The following KRTAP8-1 variants were observed in gnomAD, a reference collection of about 807,000 sequenced individuals.
The protein encoded by KRTAP8-1 is keratin-associated protein 8-1.
Under a neutral mutation model 5.5 loss-of-function variants are expected in KRTAP8-1, and 4 were observed. The observed-to-expected ratio is 0.73, with a 90% CI of 0.36 to 1.67. The LOEUF is 1.67. Ranked by LOEUF, KRTAP8-1 falls within the 40% of genes most tolerant of loss-of-function variation. KRTAP8-1 has a pLI of 0.05. For missense variants in KRTAP8-1, 79 were observed against 80.3 expected (o/e 0.98, Z 0.06); for synonymous variants, 35 against 34.6 (o/e 1.01, Z -0.04).
At position 30,812,836 on chromosome 21, in the gene KRTAP8-1, G is replaced by A. The variant is rs1984879069; in HGVS notation, c.*193C>T. On this transcript the variant is annotated 3_prime_UTR_variant, in exon 1 of 1. Coordinates refer to ENST00000329621, the MANE Select transcript of KRTAP8-1 (RefSeq NM_175857.4). ...TCCGAAAATGTCCCAGAGAACATCAGCCAGGGGAGGCAGCTTGAGGAAGCG... is the reference window on the plus strand; with the variant it reads ...TCCGAAAATGTCCCAGAGAACATCAACCAGGGGAGGCAGCTTGAGGAAGCG... The A allele has an allele frequency of 3.9e-6, 2 of 512,880 alleles. No homozygotes were observed. The highest frequency in any genetic ancestry group is 6.7e-6 in the Non-Finnish European group (2 of 299,502). 31.8% of individuals were successfully genotyped at this position (512,880 alleles called of 1,614,324 possible). A position where few individuals can be genotyped will look rare whatever the true frequency, so the allele number is the denominator to read the frequency against.
Position 30,813,121 on chromosome 21 carries a change from T to C in KRTAP8-1, c.100A>G (p.Thr34Ala). ...GYSVGCGYGSTYSPVGYGFGY... is the reference protein window; with the variant it reads ...GYSVGCGYGSAYSPVGYGFGY... The stretch of plus-strand genomic sequence containing the variant: ...AAGCCATAGCCCACTGGAGAGTAGG[T>C]GCTGCCATAGCCACAGCCAACGCTA... The change falls in exon 1 of 1, where the codon ACC (threonine) becomes GCC (alanine). Residue 34 changes from threonine (T) to alanine (A), a missense_variant. By Grantham distance (58) the Thr-to-Ala change is moderately conservative. Coordinates refer to ENST00000329621, the MANE Select transcript of KRTAP8-1 (RefSeq NM_175857.4). 6.2e-7 allele frequency: 1 copy of C among 1,613,882 alleles called. No homozygotes were observed. Among genetic ancestry groups the C allele is most frequent in the Non-Finnish European group, 8.5e-7 (1 of 1,179,790 alleles).
rs199737998 is a variant in KRTAP8-1 at position 30,813,040 on chromosome 21, C to T, written c.181G>A (p.Ala61Thr). ...GGGATTTCAGCCAATCAGTAGAGAG[C>T]AAATGGCGAGTATCTCCTGTAGCCG... Reference protein sequence around the residue: ...AFGYRRYSPFALY With the variant: ...AFGYRRYSPFTLY Residue 61 changes from alanine to threonine, a missense_variant, in exon 1 of 1, where the codon GCT becomes ACT. Physicochemically the swap from Ala to Thr is moderately conservative, Grantham distance 58. Coordinates refer to ENST00000329621, the MANE Select transcript of KRTAP8-1 (RefSeq NM_175857.4). The T allele has an allele frequency of 4.8e-5, 77 of 1,613,828 alleles. No homozygotes were observed. The Admixed American group carries it at 7.2e-4, about 15-fold the overall frequency.
chr21:30,813,064 C>CG lies in KRTAP8-1; in HGVS notation c.156dup (p.Gly53ArgfsTer15). 1.7e-5 allele frequency: 28 copies of CG among 1,613,982 alleles called. No individual in the cohort carries two copies. The highest frequency in any genetic ancestry group is 2.4e-5 in the Non-Finnish European group (28 of 1,179,932). On this transcript the variant is annotated frameshift_variant, in exon 1 of 1. Transcript: ENST00000329621. LOFTEE classifies it high-confidence loss of function. ...GCAAATGGCGAGTATCTCCTGTAGC[C>CG]GAAAGCCCCACAGCCGTTGTAGCCA...
rs534571126 is a variant in KRTAP8-1 at position 30,812,842 on chromosome 21, G to C, written c.*187C>G. On this transcript the variant is annotated 3_prime_UTR_variant, in exon 1 of 1. Transcript: ENST00000329621. ...AATGTCCCAGAGAACATCAGCCAGG[G>C]GAGGCAGCTTGAGGAAGCGTCTGCT... is the stretch of plus-strand genomic sequence containing the variant. 99 of 522,336 alleles carry C rather than the reference G, an allele frequency of 1.9e-4. No individual in the cohort carries two copies. The highest frequency in any genetic ancestry group is 2.8e-4 in the Non-Finnish European group (86 of 307,524). The allele number at this position is 522,336 out of a possible 1,614,324, so 32.4% of individuals were successfully genotyped here.
At position 30,813,071 on chromosome 21, in the gene KRTAP8-1, C is replaced by T. The variant is rs770809907; in HGVS notation, c.150G>A (p.Gly50=). Residue 50 remains glycine (G), a synonymous_variant, in exon 1 of 1, where the codon GGG becomes GGA. Coordinates refer to ENST00000329621, the MANE Select transcript of KRTAP8-1 (RefSeq NM_175857.4). ...YGFGYGYNGC[G]AFGYRRYSPF... is the part of the protein sequence containing the mutation. The stretch of plus-strand genomic sequence containing the variant: ...GCGAGTATCTCCTGTAGCCGAAAGC[C>T]CCACAGCCGTTGTAGCCATAGCCGA... The T allele has an allele frequency of 1.9e-6, 3 of 1,613,926 alleles. No individual in the cohort carries two copies. In the East Asian group the frequency reaches 6.7e-5, roughly 36 times the overall value.
At position 30,813,249 on chromosome 21, in the gene KRTAP8-1, A is replaced by C; in HGVS notation, c.-29T>G. On this transcript the variant is annotated 5_prime_UTR_variant, in exon 1 of 1. Coordinates refer to ENST00000329621, the MANE Select transcript of KRTAP8-1 (RefSeq NM_175857.4). ...GTCGGGAGTGGAGGGCTTAGGTAGCAACAGAGTGCGTTTCCTCAGTGGGAT... is the reference window on the plus strand; with the variant it reads ...GTCGGGAGTGGAGGGCTTAGGTAGCCACAGAGTGCGTTTCCTCAGTGGGAT... The C allele has an allele frequency of 6.2e-7, 1 of 1,608,038 alleles. No homozygotes were observed. The highest frequency in any genetic ancestry group is 8.5e-7 in the Non-Finnish European group (1 of 1,176,476).
rs750812281 is a variant in KRTAP8-1 at position 30,813,033 on chromosome 21, T to C, written c.188A>G (p.Tyr63Cys). The change falls in exon 1 of 1, where the codon TAC (tyrosine) becomes TGC (cysteine). Residue 63 changes from tyrosine (Y) to cysteine (C), a missense_variant. Tyr to Cys is a radical substitution (Grantham distance 194). Transcript: ENST00000329621. ...GYRRYSPFAL[Y>C] ...CACCTCGGGGATTTCAGCCAATCAG[T>C]AGAGAGCAAATGGCGAGTATCTCCT... The C allele has an allele frequency of 6.2e-6, 10 of 1,613,596 alleles. No homozygotes were observed. The East Asian group carries it at 6.7e-5, about 11-fold the overall frequency.
chr21:30,812,943 G>A lies in KRTAP8-1; in HGVS notation c.*86C>T, dbSNP rs1984881571. On this transcript the variant is annotated 3_prime_UTR_variant, in exon 1 of 1. Transcript: ENST00000329621. ...TGAGGTTGATGAGCAAATGAGGACT[G>A]AAGGAGTGGATACGGGGGGAACCTG... 1.5e-6 allele frequency: 2 copies of A among 1,317,366 alleles called. No homozygotes were observed. The highest frequency in any genetic ancestry group is 2.1e-6 in the Non-Finnish European group (2 of 946,478). The allele number at this position is 1,317,366 out of a possible 1,614,324, so 81.6% of individuals were successfully genotyped here. A position where few individuals can be genotyped will look rare whatever the true frequency, so the allele number is the denominator to read the frequency against.
rs373302251 is a variant in KRTAP8-1, at chr21:30,813,170, G to A, written c.51C>T (p.Gly17=). Residue 17 remains glycine, a synonymous_variant, in exon 1 of 1, where the codon GGC becomes GGT. Coordinates refer to ENST00000329621, the MANE Select transcript of KRTAP8-1 (RefSeq NM_175857.4). ...PGAVFPGCYW[G]SYGYPLGYSV... ...TATATCCCAGCGGGTAGCCATAGCT[G>A]CCCCAGTAGCATCCTGGGAAGACAG... 47 of 1,613,854 alleles carry A rather than the reference G, an allele frequency of 2.9e-5. No individual in the cohort carries two copies. The African/African-American group carries it at 4.9e-4, about 17-fold the overall frequency.
Position 30,813,088 on chromosome 21 carries a change from C to T in KRTAP8-1, c.133G>A (p.Gly45Ser). 1 of 1,614,080 alleles carries T rather than the reference C, an allele frequency of 6.2e-7. No individual in the cohort carries two copies. Residue 45 changes from glycine (G) to serine (S), a missense_variant, in exon 1 of 1, where the codon GGC (glycine) becomes AGC (serine). Coordinates refer to ENST00000329621, the MANE Select transcript of KRTAP8-1 (RefSeq NM_175857.4). ...YSPVGYGFGY[G>S]YNGCGAFGYR... The stretch of plus-strand genomic sequence containing the variant: ...CCGAAAGCCCCACAGCCGTTGTAGC[C>T]ATAGCCGAAGCCATAGCCCACTGGA...
Position 30,812,895 on chromosome 21 carries a change from G to C in KRTAP8-1, c.*134C>G. On this transcript the variant is annotated 3_prime_UTR_variant, in exon 1 of 1. Coordinates refer to ENST00000329621, the MANE Select transcript of KRTAP8-1 (RefSeq NM_175857.4). ...TTCATTTTCCTCCCCTGGGACTCGAGGTAAGTTGGAAAGCAGTGTCTCTGA... is the reference window on the plus strand; with the variant it reads ...TTCATTTTCCTCCCCTGGGACTCGACGTAAGTTGGAAAGCAGTGTCTCTGA... 1 of 760,542 alleles carries C rather than the reference G, an allele frequency of 1.3e-6. No individual in the cohort carries two copies. The highest frequency in any genetic ancestry group is 2.0e-6 in the Non-Finnish European group (1 of 502,098). 47.1% of individuals were successfully genotyped at this position (760,542 alleles called of 1,614,324 possible).
In KRTAP8-1 at chr21:30,813,247, G is replaced by T; in HGVS notation, c.-27C>A. The T allele has an allele frequency of 6.2e-7, 1 of 1,607,668 alleles. No individual in the cohort carries two copies. The highest frequency in any genetic ancestry group is 8.5e-7 in the Non-Finnish European group (1 of 1,176,248). Reference sequence around the variant, plus strand: ...GTGTCGGGAGTGGAGGGCTTAGGTAGCAACAGAGTGCGTTTCCTCAGTGGG... The same window carrying T: ...GTGTCGGGAGTGGAGGGCTTAGGTATCAACAGAGTGCGTTTCCTCAGTGGG... On this transcript the variant is annotated 5_prime_UTR_variant, in exon 1 of 1. Transcript: ENST00000329621.
chr21:30,813,227 G>A lies in KRTAP8-1; in HGVS notation c.-7C>T, dbSNP rs767985713. The A allele has an allele frequency of 4.3e-6, 7 of 1,613,038 alleles. No individual in the cohort carries two copies. Among genetic ancestry groups the A allele is most frequent in the South Asian group, 2.2e-5 (2 of 90,972 alleles). On this transcript the variant is annotated 5_prime_UTR_variant, in exon 1 of 1. Transcript: ENST00000329621. ...GGAAGTTGTCGCAGAGCATGGTGTC[G>A]GGAGTGGAGGGCTTAGGTAGCAACA...
chr21:30,812,956 C>A lies in KRTAP8-1; in HGVS notation c.*73G>T. 1 of 1,458,878 alleles carries A rather than the reference C, an allele frequency of 6.9e-7. No individual in the cohort carries two copies. Among genetic ancestry groups the A allele is most frequent in the Non-Finnish European group, 9.4e-7 (1 of 1,066,170 alleles). 90.4% of individuals were successfully genotyped at this position (1,458,878 alleles called of 1,614,324 possible). ...CAAATGAGGACTGAAGGAGTGGATA[C>A]GGGGGGAACCTGGAGATGTGGGGCT... On this transcript the variant is annotated 3_prime_UTR_variant, in exon 1 of 1. Transcript: ENST00000329621.
In KRTAP8-1 at chr21:30,813,027, A is replaced by T. The variant is rs148450195; in HGVS notation, c.*2T>A. On this transcript the variant is annotated 3_prime_UTR_variant, in exon 1 of 1. Transcript: ENST00000329621. ...ATGCTACACCTCGGGGATTTCAGCC[A>T]ATCAGTAGAGAGCAAATGGCGAGTA... The T allele has an allele frequency of 6.2e-7, 1 of 1,613,376 alleles. No homozygotes were observed. Among genetic ancestry groups the T allele is most frequent in the African/African-American group, 1.3e-5 (1 of 74,928 alleles).
In KRTAP8-1 at chr21:30,813,120, G is replaced by A. The variant is rs922848632; in HGVS notation, c.101C>T (p.Thr34Ile). Residue 34 changes from threonine to isoleucine, a missense_variant, in exon 1 of 1, where the codon ACC becomes ATC. Thr to Ile is a moderately conservative substitution (Grantham distance 89, BLOSUM62 -1). Coordinates refer to ENST00000329621, the MANE Select transcript of KRTAP8-1 (RefSeq NM_175857.4). ...GAAGCCATAGCCCACTGGAGAGTAG[G>A]TGCTGCCATAGCCACAGCCAACGCT... The part of the protein sequence containing the change: ...GYSVGCGYGS[T>I]YSPVGYGFGY... 19 of 1,613,740 alleles carry A rather than the reference G, an allele frequency of 1.2e-5. No individual in the cohort carries two copies. The highest frequency in any genetic ancestry group is 1.6e-5 in the Non-Finnish European group (19 of 1,179,762).
chr21:30,813,253 G>C lies in KRTAP8-1; in HGVS notation c.-33C>G. 3 of 1,605,720 alleles carry C rather than the reference G, an allele frequency of 1.9e-6. No individual in the cohort carries two copies. The highest frequency in any genetic ancestry group is 1.1e-5 in the South Asian group (1 of 89,922). On this transcript the variant is annotated 5_prime_UTR_variant, in exon 1 of 1. Transcript: ENST00000329621. ...GGAGTGGAGGGCTTAGGTAGCAACAGAGTGCGTTTCCTCAGTGGGATGGAT... is the reference window on the plus strand; with the variant it reads ...GGAGTGGAGGGCTTAGGTAGCAACACAGTGCGTTTCCTCAGTGGGATGGAT...
chr21:30,812,847 C>A lies in KRTAP8-1; in HGVS notation c.*182G>T, dbSNP rs546893751. ...CCCAGAGAACATCAGCCAGGGGAGG[C>A]AGCTTGAGGAAGCGTCTGCTTTTTC... is the stretch of plus-strand genomic sequence containing the variant. On this transcript the variant is annotated 3_prime_UTR_variant, in exon 1 of 1. Transcript: ENST00000329621. 7.5e-6 allele frequency: 4 copies of A among 533,652 alleles called. No homozygotes were observed. Among genetic ancestry groups the A allele is most frequent in the Admixed American group, 6.9e-5 (2 of 29,010 alleles). The allele number at this position is 533,652 out of a possible 1,614,324, so 33.1% of individuals were successfully genotyped here.
Position 30,812,788 on chromosome 21 carries a change from C to A in KRTAP8-1, c.*241G>T. The A allele has an allele frequency of 2.4e-6, 1 of 418,688 alleles. No individual in the cohort carries two copies. Among genetic ancestry groups the A allele is most frequent in the Non-Finnish European group, 4.3e-6 (1 of 233,174 alleles). 25.9% of individuals were successfully genotyped at this position (418,688 alleles called of 1,614,324 possible). ...TGTCATGGAAAATTCAAAAGTAGCT[C>A]ATGACAAGTGGGAGGTCAAATTTCC... On this transcript the variant is annotated 3_prime_UTR_variant, in exon 1 of 1. Transcript: ENST00000329621.
Sources: gnomAD v4.1 joint callset for allele counts on GRCh38, gnomAD v4.1.1 for gene constraint, MANE v1.5 for transcripts, NCBI Gene and HGNC (gene_info 2026-07-23, HGNC 2026-07-21) for gene names.